The following PODNL1 variants were observed in gnomAD, a reference collection of about 807,000 sequenced individuals.
PODNL1 encodes podocan-like protein 1.
Under a neutral mutation model 45.1 loss-of-function variants are expected in PODNL1, and 50 were observed. The ratio of observed to expected loss-of-function variants is 1.11; its 90% CI spans 0.88 to 1.40. The LOEUF (loss-of-function observed/expected upper bound fraction) is 1.40. PODNL1 is among the 40% of genes most tolerant of loss of function. PODNL1 has a pLI of 0.00. For synonymous variants in PODNL1, 406 were observed against 372.5 expected (o/e 1.09, Z -1.04); for missense variants, 788 against 793.3 (o/e 0.99, Z 0.08).
Position 13,935,396 on chromosome 19 carries a change from G to A in PODNL1, c.494+325C>T, listed in dbSNP as rs115591197. Among the ~76,000 whole-genome samples, 433 of 152,180 alleles carry A rather than the reference G, an allele frequency of 2.8e-3. 3 individuals carry two copies. Among genetic ancestry groups the A allele is most frequent in the African/African-American group, 1.0e-2 (413 of 41,498 alleles). On this transcript the variant is annotated intron_variant, in intron 5 of 9. Coordinates refer to ENST00000588872, the MANE Select transcript of PODNL1 (RefSeq NM_001370095.3). ...GGCTTGAGTGCGGTGGCACGATTTC[G>A]TCTCACTGCAAACTCCACCTCCTGG... is the stretch of plus-strand genomic sequence containing the variant.
chr19:13,936,552 G>T, intron 2 of PODNL1, 92 bp from the exon 3 acceptor site: 2 of 974,346 alleles, frequency 2.1e-6, no homozygotes, highest in Non-Finnish European at 3.2e-6. Flanking sequence ...GCCCAAACCA[G>T]CCCCATACCA....
intron 5 of PODNL1, among the ~76,000 whole-genome samples, chr19:13,935,183 C>T (rs1178954066): frequency 6.6e-6 from 1 of 151,962 alleles, no homozygotes; most frequent in African/African-American, 2.4e-5. Flanking sequence ...CTGTCTCCAC[C>T]TCAGTCTGGA....
chr19:13,950,634 G>A (rs911649026), intron 1 of PODNL1, among the ~76,000 whole-genome samples: 5 of 152,206 alleles, frequency 3.3e-5, no homozygotes, highest in African/African-American at 9.7e-5. Flanking sequence ...CACTGGTGAT[G>A]TTGATTTTGA....
In PODNL1 at chr19:13,932,940, T is replaced by C; in HGVS notation, c.1283A>G (p.Gln428Arg). Residue 428 changes from glutamine to arginine, a missense_variant, in exon 8 of 10, where the codon CAG becomes CGG. Coordinates refer to ENST00000588872, the MANE Select transcript of PODNL1 (RefSeq NM_001370095.3). ...MGLPTGLRTL[Q>R]LQRNQLRMLE... is the part of the protein sequence containing the mutation. The stretch of plus-strand genomic sequence containing the variant: ...CATCCGCAGCTGGTTGCGTTGCAGC[T>C]GCAGGGTGCGCAGGCCAGTGGGCAG... 2 of 1,566,714 alleles carry C rather than the reference T, an allele frequency of 1.3e-6. No individual in the cohort carries two copies. The highest frequency in any genetic ancestry group is 1.1e-5 in the South Asian group (1 of 86,962).
chr19:13,940,085 C>A (rs995083719), upstream of PODNL1: 6 of 151,964 alleles, frequency 3.9e-5, no homozygotes, highest in East Asian at 9.7e-4. Flanking sequence ...AACCCCCCCC[C>A]TCAAAGAGCT....
At chr19:13,934,817 G>A (rs1972225704) in intron 5 of PODNL1, among the ~76,000 whole-genome samples, 1 of 151,978 alleles carries the variant, frequency 6.6e-6, no homozygotes, top group Admixed American at 6.6e-5. Flanking sequence ...GTAAGTGTGG[G>A]TGTGCATGTG....
intron 1 of PODNL1, among the ~76,000 whole-genome samples, chr19:13,951,049 C>CAAAAA (rs59269074): frequency 3.0e-5 from 2 of 66,660 alleles, no homozygotes; most frequent in Non-Finnish European, 5.7e-5. Context: ...AACTCCATCT[C>CAAAAA]AAAAAAAAAA....
intron 2 of PODNL1, 120 bp downstream of exon 2, chr19:13,937,665 G>T (rs1234862393): frequency 1.2e-5 from 11 of 913,530 alleles, no homozygotes; most frequent in Non-Finnish European, 1.8e-5. Flanking sequence ...GCTCTGCACC[G>T]CCCTCCTGCA....
intron 6 of PODNL1, 123 bp downstream of exon 6, chr19:13,934,131 A>G (rs1371574500): frequency 7.3e-7 from 1 of 1,370,912 alleles, no homozygotes; most frequent in South Asian, 1.4e-5. Flanking sequence ...TCAAAGAAGG[A>G]TAACTCTGAC....
intron 1 of PODNL1, among the ~76,000 whole-genome samples, chr19:13,946,850 A>G (rs1394919466): frequency 6.6e-6 from 1 of 151,912 alleles, no homozygotes; most frequent in Non-Finnish European, 1.5e-5. Flanking sequence ...CAGGAGATCA[A>G]GACCATCCTG....
At chr19:13,939,306 G>A (rs1395570841), upstream of PODNL1, among the ~76,000 whole-genome samples, 1 of 152,152 alleles carries the variant, frequency 6.6e-6, no homozygotes, top group Admixed American at 6.6e-5. Flanking sequence ...CCACCTCCGG[G>A]GTTCAAGTGA....
rs1193711790 is a variant in PODNL1, at chr19:13,952,993, G to A, written c.18+126C>T. 11 of 1,132,376 alleles carry A rather than the reference G, an allele frequency of 9.7e-6. No homozygotes were observed. The Admixed American group carries it at 2.3e-4, about 24-fold the overall frequency. The allele number at this position is 1,132,376 out of a possible 1,614,324, so 70.1% of individuals were successfully genotyped here. On this transcript the variant is annotated intron_variant, in intron 1 of 7. Coordinates refer to the PODNL1 transcript ENST00000538371. Reference sequence around the variant, plus strand: ...GGCTTTTCAAAGCTCTGCTCCCATGGTTGCTCCATAATGGAACCTTCCCGC... The same window carrying A: ...GGCTTTTCAAAGCTCTGCTCCCATGATTGCTCCATAATGGAACCTTCCCGC...
At chr19:13,952,628 A>AGCTGGAGCGGGTCAAGGT in intron 1 of PODNL1, 1 of 1,268,076 alleles carries the variant, frequency 7.9e-7, no homozygotes, top group Non-Finnish European at 1.0e-6. Flanking sequence ...GTCCTCAAGC[A>AGCTGGAGCGGGTCAAGGT]GCTGGAGCGG....
chr19:13,940,589 A>AC (rs1277522827), upstream of PODNL1, among the ~76,000 whole-genome samples: 8 of 147,952 alleles, frequency 5.4e-5, no homozygotes, highest in Non-Finnish European at 1.2e-4. Context: ...AAAAAAAAAA[A>AC]AACTTAGCGG....
intron 1 of PODNL1, chr19:13,952,760 G>T: frequency 8.1e-7 from 1 of 1,231,274 alleles, no homozygotes; most frequent in South Asian, 2.0e-5. Flanking sequence ...CCCAGGGGAG[G>T]GGGCTCGGAT....
chr19:13,936,047 G>C lies in PODNL1; in HGVS notation c.320-3C>G, dbSNP rs776159866. 1 of 1,549,328 alleles carries C rather than the reference G, an allele frequency of 6.5e-7. No individual in the cohort carries two copies. The highest frequency in any genetic ancestry group is 1.2e-5 in the South Asian group (1 of 84,042). The stretch of plus-strand genomic sequence containing the variant: ...CTCGAAGGCCTCGTCAGGCAGGCCT[G>C]GGAGAGTAGGGGGGCAGTGAAGGGA... On this transcript the variant is annotated splice_region_variant and splice_polypyrimidine_tract_variant and intron_variant, in intron 3 of 9. Transcript: ENST00000588872.
Position 13,951,290 on chromosome 19 carries a change from A to T in PODNL1, c.18+1829T>A, listed in dbSNP as rs574269909. Among the ~76,000 whole-genome samples, 77 of 151,584 alleles carry T rather than the reference A, an allele frequency of 5.1e-4. 1 individual carries two copies. The South Asian group carries it at 0.01, about 21-fold the overall frequency. On this transcript the variant is annotated intron_variant, in intron 1 of 7. Transcript: ENST00000538371. ...GTGAGACCCCATCTCTACAAAAAAA[A>T]TTTTTTTAATGAAGACAATAAAAAA...
At chr19:13,932,411 G>A (rs373370690) in intron 8 of PODNL1, 5 of 553,638 alleles carry the variant, frequency 9.0e-6, no homozygotes. Context: ...GCCCAGTCTA[G>A]AGGGCAGTGG....
At chr19:13,934,697 C>T (rs60773159) in intron 5 of PODNL1, among the ~76,000 whole-genome samples, 46 of 150,204 alleles carry the variant, frequency 3.1e-4, no homozygotes, top group African/African-American at 1.1e-3. Flanking sequence ...TGTGTGTGCA[C>T]GTGTGTATGT....
Sources: allele counts gnomAD v4.1 joint callset (sites outside exome capture counted in the v4.1 genomes callset), GRCh38; gene constraint gnomAD v4.1.1; transcripts MANE v1.5; gene names NCBI Gene and HGNC (gene_info 2026-07-23, HGNC 2026-07-21).